Variants in NPFFR2 observed in about 807,000 individuals in gnomAD.
NPFFR2 encodes the protein neuropeptide FF receptor 2, also known as G-protein coupled receptor 74.
Under a neutral mutation model 13.1 loss-of-function variants are expected in NPFFR2, and 15 were observed. The ratio of observed to expected loss-of-function variants is 1.15; its 90% CI spans 0.77 to 1.76. NPFFR2 has a LOEUF of 1.76. NPFFR2 is among the 40% of genes most tolerant of loss of function. The probability of loss-of-function intolerance (pLI) is 0.00; values close to 1 mark genes in which losing one functional copy is unlikely to be tolerated. For synonymous variants in NPFFR2, 190 were observed against 175.7 expected (o/e 1.08, Z -0.65); for missense variants, 572 against 503.5 (o/e 1.14, Z -1.30).
chr4:72,051,353 C>T (rs1275220774), intron 1 of NPFFR2, among the ~76,000 whole-genome samples: 1 of 152,100 alleles, frequency 6.6e-6, no homozygotes, highest in Non-Finnish European at 1.5e-5. Flanking sequence ...CTCAAAACAG[C>T]TCAACTACAT....
Position 72,090,825 on chromosome 4 carries a change from C to T in NPFFR2, c.-7-37760C>T, listed in dbSNP as rs1469723403. Among the ~76,000 whole-genome samples, 2 of 151,926 alleles carry T rather than the reference C, an allele frequency of 1.3e-5. 1 individual carries two copies. The highest frequency in any genetic ancestry group is 4.1e-4 in the South Asian group (2 of 4,824). ...CAATTTGGATGCCTTTTATTTCTTT[C>T]TGATTGCTCTGGCTAGGACTTCCAG... On this transcript the variant is annotated intron_variant, in intron 1 of 3. Coordinates refer to ENST00000308744, the MANE Select transcript of NPFFR2 (RefSeq NM_004885.3).
intron 1 of NPFFR2, among the ~76,000 whole-genome samples, chr4:72,126,060 T>C (rs556026450): frequency 1.1e-4 from 17 of 152,340 alleles, no homozygotes; most frequent in Admixed American, 9.2e-4. Context: ...TAATATTTCC[T>C]CAGGATAAGA....
At chr4:72,076,118 A>C (rs559352016) in intron 1 of NPFFR2, among the ~76,000 whole-genome samples, 6 of 152,140 alleles carry the variant, frequency 3.9e-5, no homozygotes, top group African/African-American at 1.4e-4. Flanking sequence ...GATAGTGGAG[A>C]TAAGTCTAGA....
chr4:72,099,511 G>T (rs377436273), intron 1 of NPFFR2, among the ~76,000 whole-genome samples: 30 of 152,186 alleles, frequency 2.0e-4, no homozygotes, highest in East Asian at 1.7e-3. Context: ...GCCTTGGGGA[G>T]TTTTTACTCA....
Position 72,104,511 on chromosome 4 carries a change from C to T in NPFFR2, c.-7-24074C>T, listed in dbSNP as rs185322216. Among the ~76,000 whole-genome samples the T allele has an allele frequency of 5.9e-5, 9 of 152,102 alleles. No individual in the cohort carries two copies. In the East Asian group the frequency reaches 1.6e-3, roughly 26 times the overall value. On this transcript the variant is annotated intron_variant, in intron 1 of 3. Coordinates refer to ENST00000308744, the MANE Select transcript of NPFFR2 (RefSeq NM_004885.3). Reference sequence around the variant, plus strand: ...GGCAAACTACCTAGCTTAAATACCCCGTGCCTAATTTCCACTAACATTGTT... The same window carrying T: ...GGCAAACTACCTAGCTTAAATACCCTGTGCCTAATTTCCACTAACATTGTT...
intron 3 of NPFFR2, among the ~76,000 whole-genome samples, chr4:72,145,517 A>G (rs1441761185): frequency 1.3e-5 from 2 of 152,142 alleles, no homozygotes; most frequent in African/African-American, 2.4e-5. Flanking sequence ...TAGGTATTCA[A>G]AAAGAGCAAA....
chr4:72,147,762 G>C lies in NPFFR2; in HGVS notation c.1213G>C (p.Glu405Gln). ...YRKSAEKPQQELVMEELKETT... is the reference protein window; with the variant it reads ...YRKSAEKPQQQLVMEELKETT... Reference sequence around the variant, plus strand: ...GAAAAGTGCTGAAAAACCCCAACAGGAATTAGTGATGGAAGAATTAAAAGA... The same window carrying C: ...GAAAAGTGCTGAAAAACCCCAACAGCAATTAGTGATGGAAGAATTAAAAGA... Residue 405 changes from glutamate to glutamine, a missense_variant, in exon 4 of 4, where the codon GAA becomes CAA. Physicochemically the swap from Glu to Gln is conservative, Grantham distance 29 (BLOSUM62 2). Coordinates refer to ENST00000308744, the MANE Select transcript of NPFFR2 (RefSeq NM_004885.3). 6.3e-7 allele frequency: 1 copy of C among 1,590,118 alleles called. No homozygotes were observed. The highest frequency in any genetic ancestry group is 8.5e-7 in the Non-Finnish European group (1 of 1,174,198).
intron 1 of NPFFR2, among the ~76,000 whole-genome samples, chr4:72,108,220 C>T (rs1363090970): frequency 6.6e-6 from 1 of 151,860 alleles, no homozygotes; most frequent in Non-Finnish European, 1.5e-5. Flanking sequence ...GGGAGTCATG[C>T]CTCATAAATT....
intron 3 of NPFFR2, chr4:72,146,721 T>C (rs1301588795): frequency 4.9e-6 from 2 of 405,526 alleles, no homozygotes; most frequent in Non-Finnish European, 8.7e-6. Context: ...GAAACGGTTT[T>C]AGGCATTCAT....
chr4:72,142,764 T>A (rs1250437275), intron 3 of NPFFR2, among the ~76,000 whole-genome samples: 4 of 152,208 alleles, frequency 2.6e-5, no homozygotes, highest in African/African-American at 9.6e-5. Flanking sequence ...TTTATCTAGA[T>A]TTTAAGATTG....
intron 1 of NPFFR2, among the ~76,000 whole-genome samples, chr4:72,100,215 A>G (rs897620248): frequency 2.0e-5 from 3 of 152,178 alleles, no homozygotes; most frequent in Non-Finnish European, 4.4e-5. Context: ...TTTGGTCTCC[A>G]TATTTTACAA....
Position 72,123,520 on chromosome 4 carries a change from A to C in NPFFR2, c.-7-5065A>C, listed in dbSNP as rs1379472268. ...CATTGATGCAAAAATCCTCGATAAA[A>C]TACTGGCAAACCAAATGAGGCAGCA... On this transcript the variant is annotated intron_variant, in intron 1 of 3. Transcript: ENST00000308744. 2.0e-5 allele frequency among the ~76,000 whole-genome samples: 3 copies of C among 152,240 alleles called. No homozygotes were observed. In the South Asian group the frequency reaches 6.2e-4, roughly 31 times the overall value.
chr4:72,048,155 G>A (rs751610709), intron 1 of NPFFR2, among the ~76,000 whole-genome samples: 2 of 152,036 alleles, frequency 1.3e-5, no homozygotes, highest in African/African-American at 4.8e-5. Flanking sequence ...TGCACAGAGA[G>A]CATATGCACT....
chr4:72,079,122 ATCAGTG>A (rs1260475274), intron 1 of NPFFR2, among the ~76,000 whole-genome samples: 4 of 151,570 alleles, frequency 2.6e-5, no homozygotes, highest in Admixed American at 2.0e-4. Context: ...AGTGGATTGT[ATCAGTG>A]TCAAACTCCT....
At chr4:72,105,114 G>A (rs1391945082) in intron 1 of NPFFR2, among the ~76,000 whole-genome samples, 1 of 151,246 alleles carries the variant, frequency 6.6e-6, no homozygotes, top group Non-Finnish European at 1.5e-5. Context: ...TATACACTTT[G>A]AGAAGTAAAT....
chr4:72,147,877 G>A lies in NPFFR2; in HGVS notation c.*65G>A. ...TATATTTAAATCCATTGCTTTTTGT[G>A]GCTTTGCACTTCAAATTTTTCAAAG... On this transcript the variant is annotated 3_prime_UTR_variant, in exon 4 of 4. Coordinates refer to ENST00000308744, the MANE Select transcript of NPFFR2 (RefSeq NM_004885.3). 10 of 1,193,024 alleles carry A rather than the reference G, an allele frequency of 8.4e-6. No homozygotes were observed. The South Asian group carries it at 9.5e-5, about 11-fold the overall frequency. The allele number at this position is 1,193,024 out of a possible 1,614,324, so 73.9% of individuals were successfully genotyped here. A position where few individuals can be genotyped will look rare whatever the true frequency, so the allele number is the denominator to read the frequency against.
Position 72,032,263 on chromosome 4 carries a change from C to A in NPFFR2, c.-8+63C>A, listed in dbSNP as rs1578412195. 7 of 1,475,352 alleles carry A rather than the reference C, an allele frequency of 4.7e-6. No individual in the cohort carries two copies. The East Asian group carries it at 1.4e-4, about 30-fold the overall frequency. 91.4% of individuals were successfully genotyped at this position (1,475,352 alleles called of 1,614,324 possible). On this transcript the variant is annotated intron_variant, in intron 1 of 3. Transcript: ENST00000308744. ...TGGGGGCGCGACCCCTCTCTAATGCCCAACGCTTGCCTTGATGACACATAT... is the reference window on the plus strand; with the variant it reads ...TGGGGGCGCGACCCCTCTCTAATGCACAACGCTTGCCTTGATGACACATAT...
intron 3 of NPFFR2, among the ~76,000 whole-genome samples, chr4:72,144,696 C>T (rs931955735): frequency 4.1e-4 from 63 of 152,118 alleles, no homozygotes; most frequent in African/African-American, 1.4e-3. Flanking sequence ...ACACCATACA[C>T]AAACAAAATA....
intron 1 of NPFFR2, among the ~76,000 whole-genome samples, chr4:72,055,005 T>G (rs1056071897): frequency 6.6e-6 from 1 of 151,942 alleles, no homozygotes; most frequent in African/African-American, 2.4e-5. Flanking sequence ...AGATTTTATA[T>G]GTACATATAA....
Sources: allele counts gnomAD v4.1 joint callset (sites outside exome capture counted in the v4.1 genomes callset), GRCh38; gene constraint gnomAD v4.1.1; transcripts MANE v1.5; gene names NCBI Gene and HGNC (gene_info 2026-07-23, HGNC 2026-07-21).